The following SLC25A24 variants were observed in gnomAD, a reference collection of about 807,000 sequenced individuals.
The protein encoded by SLC25A24 is solute carrier family 25 member 24.
A neutral mutation model predicts 60.7 loss-of-function variants in SLC25A24; 49 were observed. That is an observed-to-expected ratio of 0.81 (90% CI 0.64 to 1.02). The LOEUF is 1.02. Ranked by LOEUF, SLC25A24 falls within the 50% of genes least tolerant of loss-of-function variation. The pLI is 0.00. For synonymous variants in SLC25A24, 202 were observed against 200.6 expected, an observed-to-expected ratio of 1.01 and a Z score of -0.06; for missense variants, 564 against 586.3, an observed-to-expected ratio of 0.96 and a Z score of 0.39.
At chr1:108,161,328 T>C in intron 3 of SLC25A24, 35 bp from the exon 4 acceptor site, 2 of 1,044,028 alleles carry the variant, frequency 1.9e-6, no homozygotes, top group Non-Finnish European at 3.0e-6. Context: ...AGTACAAAAC[T>C]AAATTGATAA....
At chr1:108,137,612 C>T (rs17513833) in intron 9 of SLC25A24, among the ~76,000 whole-genome samples, 29,050 of 152,134 alleles carry the variant, frequency 0.19, 3,005 homozygotes, top group Admixed American at 0.22. Flanking sequence ...AATGATCAGA[C>T]TTTTAGGTCA....
intron 1 of SLC25A24, among the ~76,000 whole-genome samples, chr1:108,193,233 A>G (rs1648400957): frequency 7.2e-6 from 1 of 138,788 alleles, no homozygotes; most frequent in Admixed American, 8.1e-5. Context: ...GCTTGTTACA[A>G]GGGTATACTG....
rs1679263589 is a variant in SLC25A24, at chr1:108,135,716, G to A, written c.*937C>T. On this transcript the variant is annotated 3_prime_UTR_variant, in exon 10 of 10. Coordinates refer to ENST00000565488, the MANE Select transcript of SLC25A24 (RefSeq NM_013386.5). ...ACAGCAAGTTCAAAGATATTCAACAGTGAGGGAGAAATAAGCACATCATTT... is the reference window on the plus strand; with the variant it reads ...ACAGCAAGTTCAAAGATATTCAACAATGAGGGAGAAATAAGCACATCATTT... 6.6e-6 allele frequency: 1 copy of A among 152,608 alleles called. No homozygotes were observed. The highest frequency in any genetic ancestry group is 2.1e-4 in the South Asian group (1 of 4,822). The allele number at this position is 152,608 out of a possible 1,614,324, so 9.5% of individuals were successfully genotyped here. A position where few individuals can be genotyped will look rare whatever the true frequency, so the allele number is the denominator to read the frequency against.
intron 3 of SLC25A24, among the ~76,000 whole-genome samples, chr1:108,168,652 G>A (rs1441014206): frequency 6.6e-6 from 1 of 152,134 alleles, no homozygotes; most frequent in Admixed American, 6.5e-5. Flanking sequence ...TTTCTTTCAC[G>A]TGAAATATGC....
rs1329005960 is a variant in SLC25A24, at chr1:108,191,095, CTAAATA to C, written c.184-5147_184-5142del. 2.1e-5 allele frequency among the ~76,000 whole-genome samples: 3 copies of C among 139,752 alleles called. 1 individual carries two copies. Among genetic ancestry groups the C allele is most frequent in the Non-Finnish European group, 4.7e-5 (3 of 63,780 alleles). The allele number at this position is 139,752 out of a possible 152,430, so 91.7% of individuals were successfully genotyped here. On this transcript the variant is annotated intron_variant, in intron 1 of 9. Coordinates refer to ENST00000565488, the MANE Select transcript of SLC25A24 (RefSeq NM_013386.5). ...ACAAATACAACTTACACTTGCAAAT[CTAAATA>C]TAAGAGTGTCTTTAAACAAATATGA...
chr1:108,147,047 G>T (rs1476473540), intron 7 of SLC25A24, among the ~76,000 whole-genome samples: 1 of 151,774 alleles, frequency 6.6e-6, no homozygotes, highest in Non-Finnish European at 1.5e-5. Context: ...CTGGTCCTGG[G>T]TTTTTTTTGG....
At chr1:108,186,678 T>A (rs1238500860) in intron 1 of SLC25A24, among the ~76,000 whole-genome samples, 2 of 152,184 alleles carry the variant, frequency 1.3e-5, no homozygotes, top group African/African-American at 2.4e-5. Flanking sequence ...AGCCCTCTCC[T>A]ACCACCACCC....
Position 108,143,726 on chromosome 1 carries a change from A to T in SLC25A24, c.931-16T>A. 12 of 1,596,286 alleles carry T rather than the reference A, an allele frequency of 7.5e-6. No homozygotes were observed. Among genetic ancestry groups the T allele is most frequent in the Non-Finnish European group, 1.0e-5 (12 of 1,171,974 alleles). On this transcript the variant is annotated splice_polypyrimidine_tract_variant and intron_variant, in intron 7 of 9. Transcript: ENST00000565488. ...TTTTCATAACCTGGATATAAAAAAAAACAAAATATGATTGTTCATATTAAC... is the reference window on the plus strand; with the variant it reads ...TTTTCATAACCTGGATATAAAAAAATACAAAATATGATTGTTCATATTAAC...
At position 108,136,259 on chromosome 1, in the gene SLC25A24, T is replaced by C. The variant is rs1269810387; in HGVS notation, c.*394A>G. 6.5e-6 allele frequency: 1 copy of C among 154,566 alleles called. No homozygotes were observed. The highest frequency in any genetic ancestry group is 2.4e-5 in the African/African-American group (1 of 41,514). 9.6% of individuals were successfully genotyped at this position (154,566 alleles called of 1,614,324 possible). On this transcript the variant is annotated 3_prime_UTR_variant, in exon 10 of 10. Transcript: ENST00000565488. ...GAAATCTATAAAGACATTCAAAATATATAAAACAAGAAATTTAAATATAAA... is the reference window on the plus strand; with the variant it reads ...GAAATCTATAAAGACATTCAAAATACATAAAACAAGAAATTTAAATATAAA...
chr1:108,189,406 A>G (rs1360876017), intron 1 of SLC25A24, among the ~76,000 whole-genome samples: 2 of 152,222 alleles, frequency 1.3e-5, no homozygotes, highest in Non-Finnish European at 2.9e-5. Context: ...ATCTCTCAAC[A>G]TTCTGTGCCA....
At chr1:108,140,460 A>T (rs1159623644) in intron 8 of SLC25A24, among the ~76,000 whole-genome samples, 1 of 152,150 alleles carries the variant, frequency 6.6e-6, no homozygotes, top group Non-Finnish European at 1.5e-5. Context: ...ACTCTATGGT[A>T]AAGGTCAATA....
In SLC25A24 at chr1:108,187,500, AATG is replaced by A. The variant is rs758233362; in HGVS notation, c.184-1549_184-1547del. On this transcript the variant is annotated intron_variant, in intron 1 of 9. Transcript: ENST00000565488. ...GAAACTACTAGACACTATAGACATT[AATG>A]ATATTATGAAAAGCTTTATATCAAA... 4.6e-5 allele frequency among the ~76,000 whole-genome samples: 7 copies of A among 152,312 alleles called. No individual in the cohort carries two copies. In the East Asian group the frequency reaches 1.3e-3, roughly 29 times the overall value.
In SLC25A24 at chr1:108,139,056, A is replaced by G; in HGVS notation, c.1249+2T>C. 6.4e-7 allele frequency: 1 copy of G among 1,570,392 alleles called. No homozygotes were observed. The highest frequency in any genetic ancestry group is 8.6e-7 in the Non-Finnish European group (1 of 1,159,980). On this transcript the variant is annotated splice_donor_variant, in intron 9 of 9. Coordinates refer to ENST00000565488, the MANE Select transcript of SLC25A24 (RefSeq NM_013386.5). LOFTEE classifies it high-confidence loss of function. ...GGTGTGGTTCTGTAATCAAAAATTC[A>G]CCTTGAGCCTGCATGCGAGTTCTCA...
Position 108,185,958 on chromosome 1 carries a change from T to TAAA in SLC25A24, c.184-7_184-5dup. ...CATCTCCAGTAGTAAAAATTTTCTA[T>TAAA]AAAAAAAAATTAGAGAGAAGTTATT... On this transcript the variant is annotated splice_region_variant and splice_polypyrimidine_tract_variant and intron_variant, in intron 1 of 9. Coordinates refer to ENST00000565488, the MANE Select transcript of SLC25A24 (RefSeq NM_013386.5). 1.3e-6 allele frequency: 2 copies of TAAA among 1,538,628 alleles called. No individual in the cohort carries two copies. Among genetic ancestry groups the TAAA allele is most frequent in the Admixed American group, 2.0e-5 (1 of 51,020 alleles).
chr1:108,176,709 G>C (rs775624274), intron 3 of SLC25A24, among the ~76,000 whole-genome samples: 2 of 152,200 alleles, frequency 1.3e-5, no homozygotes, highest in Non-Finnish European at 2.9e-5. Flanking sequence ...CAGGTCAGGA[G>C]AGAAAGGGAT....
chr1:108,148,246 C>T, intron 7 of SLC25A24, 33 bp downstream of exon 7: 1 of 1,260,210 alleles, frequency 7.9e-7, no homozygotes, highest in Non-Finnish European at 1.2e-6. Context: ...ACACGAACAC[C>T]ATCACACAGT....
At chr1:108,185,020 T>C (rs1454161199) in intron 2 of SLC25A24, among the ~76,000 whole-genome samples, 1 of 152,118 alleles carries the variant, frequency 6.6e-6, no homozygotes, top group Non-Finnish European at 1.5e-5. Flanking sequence ...TTAGATAAGG[T>C]CTTCAGAGTA....
intron 8 of SLC25A24, among the ~76,000 whole-genome samples, chr1:108,140,259 T>C (rs1679408633): frequency 6.6e-6 from 1 of 152,060 alleles, no homozygotes; most frequent in Non-Finnish European, 1.5e-5. Flanking sequence ...ATTCTATGTT[T>C]TGAAACTTAA....
chr1:108,167,497 G>A (rs1198660502), intron 3 of SLC25A24, among the ~76,000 whole-genome samples: 6 of 152,316 alleles, frequency 3.9e-5, no homozygotes, highest in East Asian at 1.9e-4. Flanking sequence ...CTCCTGGTGC[G>A]CCATTTTTTA....
Sources: allele counts gnomAD v4.1 joint callset (sites outside exome capture counted in the v4.1 genomes callset), GRCh38; gene constraint gnomAD v4.1.1; transcripts MANE v1.5; gene names NCBI Gene and HGNC (gene_info 2026-07-23, HGNC 2026-07-21).